SMG8: variants seen among roughly 807,000 people sequenced by gnomAD.
SMG8 encodes SMG8 nonsense mediated mRNA decay factor.
In SMG8, 49 loss-of-function variants were observed where a neutral mutation model predicts 82.1. The ratio of observed to expected loss-of-function variants is 0.60; its 90% CI spans 0.47 to 0.76. The LOEUF (loss-of-function observed/expected upper bound fraction) is 0.76. Among genes scored for constraint, SMG8 ranks in the 30% least tolerant of loss-of-function variants. The probability of loss-of-function intolerance (pLI) is 0.00; values close to 1 mark genes in which losing one functional copy is unlikely to be tolerated. For missense variants in SMG8, 969 were observed against 1,166.4 expected (o/e 0.83, Z 2.46); for synonymous variants, 404 against 430.0 (o/e 0.94, Z 0.75).
Position 59,210,841 on chromosome 17 carries a change from A to C in SMG8, c.790A>C (p.Arg264=). 1 of 1,614,196 alleles carries C rather than the reference A, an allele frequency of 6.2e-7. No individual in the cohort carries two copies. Among genetic ancestry groups the C allele is most frequent in the Admixed American group, 1.7e-5 (1 of 60,012 alleles). The change falls in exon 1 of 4, where the codon AGA becomes CGA. Residue 264 remains arginine, a synonymous_variant. Coordinates refer to ENST00000300917, the MANE Select transcript of SMG8 (RefSeq NM_018149.7). The part of the protein sequence containing the change: ...WKLNCRPCPP[R]LLFLFQLNGA... ...GCTAAACTGCCGACCTTGCCCACCT[A>C]GACTCCTTTTCCTCTTTCAACTCAA...
chr17:59,212,637 ATTTAC>A, intron 2 of SMG8, 87 bp from the exon 3 acceptor site: 3 of 1,481,134 alleles, frequency 2.0e-6, no homozygotes, highest in Non-Finnish European at 2.7e-6. Flanking sequence ...ATGTGTACAT[ATTTAC>A]TTACACATCA....
rs1364734845 is a variant in SMG8, at chr17:59,212,218, ACTTG to A, written c.1760-119_1760-116del. 6.1e-5 allele frequency: 43 copies of A among 700,088 alleles called. No individual in the cohort carries two copies. In the African/African-American group the frequency reaches 7.0e-4, roughly 11 times the overall value. The allele number at this position is 700,088 out of a possible 1,614,324, so 43.4% of individuals were successfully genotyped here. A position where few individuals can be genotyped will look rare whatever the true frequency, so the allele number is the denominator to read the frequency against. ...AATATAAAGTATTTTATATACTTTC[ACTTG>A]CTTCTTCTGTTATGTGTATTTAGGT... On this transcript the variant is annotated intron_variant, in intron 1 of 3. Transcript: ENST00000300917.
Position 59,210,106 on chromosome 17 carries a change from G to A in SMG8, c.55G>A (p.Gly19Ser). The A allele has an allele frequency of 6.3e-7, 1 of 1,585,150 alleles. No homozygotes were observed. The highest frequency in any genetic ancestry group is 8.6e-7 in the Non-Finnish European group (1 of 1,167,890). The change falls in exon 1 of 4, where the codon GGC becomes AGC. Residue 19 changes from glycine (G) to serine (S), a missense_variant. Coordinates refer to ENST00000300917, the MANE Select transcript of SMG8 (RefSeq NM_018149.7). ...DLLMGASAWM[G>S]SESPGGSPTE... ...TCTAATGGGAGCATCAGCCTGGATG[G>A]GCTCTGAAAGTCCCGGAGGGTCCCC...
At position 59,211,155 on chromosome 17, in the gene SMG8, G is replaced by C; in HGVS notation, c.1104G>C (p.Leu368=). The change falls in exon 1 of 4, where the codon CTG becomes CTC. Residue 368 remains leucine, a synonymous_variant. Coordinates refer to ENST00000300917, the MANE Select transcript of SMG8 (RefSeq NM_018149.7). ...CTGTGAAGGACCCGGAATCTTTGCT[G>C]GTGCCTGCACCCCTTTCTGGGCCTA... ...HCTVKDPESL[L]VPAPLSGPRR... 1 of 1,614,150 alleles carries C rather than the reference G, an allele frequency of 6.2e-7. No individual in the cohort carries two copies. The highest frequency in any genetic ancestry group is 8.5e-7 in the Non-Finnish European group (1 of 1,179,994).
rs148071156 is a variant in SMG8 at position 59,212,066 on chromosome 17, A to C, written c.1759+256A>C. On this transcript the variant is annotated intron_variant, in intron 1 of 3. Coordinates refer to ENST00000300917, the MANE Select transcript of SMG8 (RefSeq NM_018149.7). The stretch of plus-strand genomic sequence containing the variant: ...ATTATTAAGTAGTATAAAATTTCAG[A>C]CATCTCATATTAACACTTTGCCTTG... 8.9e-3 allele frequency: 3,800 copies of C among 427,262 alleles called. 23 individuals are homozygous for C. Among genetic ancestry groups the C allele is most frequent in the Non-Finnish European group, 0.013 (3,145 of 245,640 alleles). 26.5% of individuals were successfully genotyped at this position (427,262 alleles called of 1,614,324 possible).
At position 59,210,598 on chromosome 17, in the gene SMG8, G is replaced by C; in HGVS notation, c.547G>C (p.Ala183Pro). 1 of 1,600,896 alleles carries C rather than the reference G, an allele frequency of 6.2e-7. No individual in the cohort carries two copies. The highest frequency in any genetic ancestry group is 1.3e-5 in the African/African-American group (1 of 74,636). The part of the protein sequence containing the change: ...EAGGGLSLPH[A>P]EAHEFWKHQE... ...TGGAGGTGGACTCTCTTTACCTCATGCAGAAGCACACGAGTTCTGGAAGCA... is the reference window on the plus strand; with the variant it reads ...TGGAGGTGGACTCTCTTTACCTCATCCAGAAGCACACGAGTTCTGGAAGCA... The change falls in exon 1 of 4, where the codon GCA becomes CCA. Residue 183 changes from alanine to proline, a missense_variant. By Grantham distance (27) the Ala-to-Pro change is conservative. This residue lies in a region of SMG8 where 662 missense variants were observed against 884.8 expected (regional missense o/e 0.75). Transcript: ENST00000300917.
chr17:59,210,325 A>C lies in SMG8; in HGVS notation c.274A>C (p.Ile92Leu). 4 of 1,612,934 alleles carry C rather than the reference A, an allele frequency of 2.5e-6. No individual in the cohort carries two copies. Among genetic ancestry groups the C allele is most frequent in the Non-Finnish European group, 3.4e-6 (4 of 1,179,634 alleles). Reference sequence around the variant, plus strand: ...AGATCCTGGGGATCCAGGACCTGGAATCAGAACTGAGGCTGGCGCCGTGGG... The same window carrying C: ...AGATCCTGGGGATCCAGGACCTGGACTCAGAACTGAGGCTGGCGCCGTGGG... ...HQDPGDPGPGIRTEAGAVGEA... is the reference protein window; with the variant it reads ...HQDPGDPGPGLRTEAGAVGEA... Residue 92 changes from isoleucine (I) to leucine (L), a missense_variant, in exon 1 of 4, where the codon ATC becomes CTC. Around this residue, in one of 3 missense-constraint regions of SMG8, gnomAD observed 206 missense variants for 190.5 expected, o/e 1.08. Transcript: ENST00000300917.
At position 59,210,739 on chromosome 17, in the gene SMG8, C is replaced by G. The variant is rs1597950974; in HGVS notation, c.688C>G (p.Leu230Val). The G allele has an allele frequency of 6.2e-7, 1 of 1,613,974 alleles. No individual in the cohort carries two copies. The highest frequency in any genetic ancestry group is 8.5e-7 in the Non-Finnish European group (1 of 1,180,014). ...DITYDRVFRA[L>V]DGLRQKVLPL... ...CACTTATGATCGAGTATTCAGAGCC[C>G]TGGATGGGCTGAGACAGAAGGTCCT... Residue 230 changes from leucine (L) to valine (V), a missense_variant, in exon 1 of 4, where the codon CTG becomes GTG. Physicochemically the swap from Leu to Val is conservative, Grantham distance 32. Transcript: ENST00000300917.
chr17:59,211,639 C>T lies in SMG8; in HGVS notation c.1588C>T (p.Gln530Ter), dbSNP rs758223062. The T allele has an allele frequency of 1.2e-6, 2 of 1,614,016 alleles. No individual in the cohort carries two copies. The highest frequency in any genetic ancestry group is 3.3e-5 in the Admixed American group (2 of 59,970). The stretch of plus-strand genomic sequence containing the variant: ...GACTGTCCATAAGAATCAGCTTGCC[C>T]AGGCTCTTCGAGTGTACAGTCAACA... ...TMTVHKNQLAQALRVYSQHAR... is the reference protein window; with the variant it reads ...TMTVHKNQLA Residue 530 changes from glutamine (Q) to a stop codon, truncating the protein, a stop_gained, in exon 1 of 4, where the codon CAG (glutamine) becomes TAG (stop). Transcript: ENST00000300917. LOFTEE classifies it high-confidence loss of function.
intron 3 of SMG8, among the ~76,000 whole-genome samples, chr17:59,214,302 A>AT (rs2046957931): frequency 6.6e-6 from 1 of 152,154 alleles, no homozygotes. Flanking sequence ...CAAAAAAAAA[A>AT]GTTCTGGGGA....
intron 3 of SMG8, among the ~76,000 whole-genome samples, chr17:59,213,935 G>A (rs934772970): frequency 2.0e-5 from 3 of 152,006 alleles, no homozygotes; most frequent in South Asian, 2.1e-4. Context: ...ATTTTAATCC[G>A]TTCATGCTAT....
Position 59,210,039 on chromosome 17 carries a change from A to G in SMG8, c.-13A>G, listed in dbSNP as rs1568331610. ...CTAACGGACCGGAAGGACTCTAGAG[A>G]ACGCTCTGCACTATGGCTGGTCCCG... On this transcript the variant is annotated 5_prime_UTR_variant, in exon 1 of 4. Transcript: ENST00000300917. The G allele has an allele frequency of 3.3e-6, 5 of 1,501,388 alleles. No individual in the cohort carries two copies. In the East Asian group the frequency reaches 1.2e-4, roughly 36 times the overall value. 93.0% of individuals were successfully genotyped at this position (1,501,388 alleles called of 1,614,324 possible).
At chr17:59,213,750 G>C (rs1353333179) in intron 3 of SMG8, 149 bp downstream of exon 3, 5 of 1,044,302 alleles carry the variant, frequency 4.8e-6, no homozygotes, top group Non-Finnish European at 6.8e-6. Context: ...ACTTTGGGAG[G>C]CCAAGGTGGG....
chr17:59,211,148 CTT>C lies in SMG8; in HGVS notation c.1099_1100del (p.Leu367AlafsTer10). 2 of 1,614,152 alleles carry C rather than the reference CTT, an allele frequency of 1.2e-6. No individual in the cohort carries two copies. Among genetic ancestry groups the C allele is most frequent in the South Asian group, 2.2e-5 (2 of 91,078 alleles). On this transcript the variant is annotated frameshift_variant, in exon 1 of 4. Coordinates refer to ENST00000300917, the MANE Select transcript of SMG8 (RefSeq NM_018149.7). LOFTEE classifies it high-confidence loss of function. ...CATTGTACTGTGAAGGACCCGGAAT[CTT>C]TGCTGGTGCCTGCACCCCTTTCTGG...
In SMG8 at chr17:59,213,463, A is replaced by C. The variant is rs1371055659; in HGVS notation, c.2640A>C (p.Leu880Phe). The stretch of plus-strand genomic sequence containing the variant: ...GAAGTGGGCCAAAGGAATCAGCTTT[A>C]AAAGCCCTAAATAGTGACATGCCCT... ...VMGSGPKESA[L>F]KALNSDMPLY... Residue 880 changes from leucine (L) to phenylalanine (F), a missense_variant, in exon 3 of 4, where the codon TTA becomes TTC. Around this residue, in one of 3 missense-constraint regions of SMG8, gnomAD observed 662 missense variants for 884.8 expected, o/e 0.75. Transcript: ENST00000300917. The C allele has an allele frequency of 4.3e-6, 7 of 1,614,180 alleles. No individual in the cohort carries two copies. Among genetic ancestry groups the C allele is most frequent in the Middle Eastern group, 1.6e-4 (1 of 6,062 alleles).
chr17:59,213,157 C>G lies in SMG8; in HGVS notation c.2334C>G (p.Asn778Lys), dbSNP rs2046952963. 1.2e-6 allele frequency: 2 copies of G among 1,614,200 alleles called. No homozygotes were observed. Among genetic ancestry groups the G allele is most frequent in the Non-Finnish European group, 1.7e-6 (2 of 1,180,042 alleles). The change falls in exon 3 of 4, where the codon AAC becomes AAG. Residue 778 changes from asparagine to lysine, a missense_variant. Transcript: ENST00000300917. ...AACTAGGCCCTGCTAAGTCTTATAA[C>G]TTTCATACAGGTTTGGACCAACAGG... ...LVKLGPAKSY[N>K]FHTGLDQQGF...
intron 1 of SMG8, 135 bp downstream of exon 1, chr17:59,211,945 G>T: frequency 1.4e-6 from 1 of 728,350 alleles, no homozygotes; most frequent in Non-Finnish European, 2.0e-6. Flanking sequence ...TCAGCTATAC[G>T]TTTTCTCTCC....
rs1219990602 is a variant in SMG8, at chr17:59,211,228, C to T, written c.1177C>T (p.His393Tyr). The change falls in exon 1 of 4, where the codon CAC becomes TAC. Residue 393 changes from histidine (H) to tyrosine (Y), a missense_variant. Around this residue, in one of 3 missense-constraint regions of SMG8, gnomAD observed 662 missense variants for 884.8 expected, o/e 0.75. Transcript: ENST00000300917. ...GCACAGCCGACAACAACTTTCCTTTCACATTGACAGCAGCAGTTCCAGTTC... is the reference window on the plus strand; with the variant it reads ...GCACAGCCGACAACAACTTTCCTTTTACATTGACAGCAGCAGTTCCAGTTC... ...RQHSRQQLSF[H>Y]IDSSSSSSSG... The T allele has an allele frequency of 6.2e-7, 1 of 1,614,092 alleles. No homozygotes were observed. Among genetic ancestry groups the T allele is most frequent in the East Asian group, 2.2e-5 (1 of 44,904 alleles).
rs753386373 is a variant in SMG8 at position 59,211,386 on chromosome 17, T to C, written c.1335T>C (p.Tyr445=). The C allele has an allele frequency of 4.3e-6, 7 of 1,614,182 alleles. No individual in the cohort carries two copies. Among genetic ancestry groups the C allele is most frequent in the East Asian group, 2.2e-5 (1 of 44,882 alleles). Residue 445 remains tyrosine (Y), a synonymous_variant, in exon 1 of 4, where the codon TAT becomes TAC. Transcript: ENST00000300917. ...PQPSHFELPT[Y]QKWISAASKL... The stretch of plus-strand genomic sequence containing the variant: ...CTTCCCATTTTGAACTTCCTACTTA[T>C]CAGAAGTGGATCTCAGCAGCTTCAA...
Sources: gnomAD v4.1 joint callset for allele counts (sites outside exome capture counted in the v4.1 genomes callset) on GRCh38, gnomAD v4.1.1 for gene constraint, gnomAD v4.1.1 regional missense constraint, MANE v1.5 for transcripts, NCBI Gene and HGNC (gene_info 2026-07-23, HGNC 2026-07-21) for gene names.